Variants in RUFY3 observed in about 807,000 individuals in gnomAD.
The protein encoded by RUFY3 is protein RUFY3.
In RUFY3, 34 loss-of-function variants were observed where a neutral mutation model predicts 84.0. The ratio of observed to expected loss-of-function variants is 0.40; its 90% CI spans 0.31 to 0.54. The LOEUF is 0.54. Among genes scored for constraint, RUFY3 ranks in the 20% least tolerant of loss-of-function variants. The pLI is 0.39. For synonymous variants in RUFY3, 242 were observed against 252.9 expected (o/e 0.96, Z 0.41); for missense variants, 507 against 736.8 (o/e 0.69, Z 3.61).
intron 1 of RUFY3, among the ~76,000 whole-genome samples, chr4:70,760,161 C>T (rs531455944): frequency 6.6e-6 from 1 of 152,314 alleles, no homozygotes; most frequent in South Asian, 2.1e-4. Flanking sequence ...GTAGTTCATG[C>T]ACTCCAGACC....
At chr4:70,717,491 G>A (rs1741753858), upstream of RUFY3, among the ~76,000 whole-genome samples, 1 of 152,130 alleles carries the variant, frequency 6.6e-6, no homozygotes, top group Admixed American at 6.5e-5. Flanking sequence ...CAGCATTAAG[G>A]TGTAAAGTAT....
intron 12 of RUFY3, chr4:70,792,473 G>A: frequency 1.0e-6 from 1 of 985,178 alleles, no homozygotes; most frequent in South Asian, 4.7e-5. Context: ...CCCTTTCTAG[G>A]CTTTAACATT....
chr4:70,775,959 G>GAAAAAAAAAAAAAAAA (rs962485507), intron 7 of RUFY3, among the ~76,000 whole-genome samples: 1 of 110,700 alleles, frequency 9.0e-6, no homozygotes, highest in Non-Finnish European at 1.7e-5. Context: ...AAAAAAAAAC[G>GAAAAAAAAAAAAAAAA]AAAAAAAAGA....
At chr4:70,741,956 G>A (rs909314248) in intron 1 of RUFY3, among the ~76,000 whole-genome samples, 3 of 152,140 alleles carry the variant, frequency 2.0e-5, no homozygotes, top group Non-Finnish European at 4.4e-5. Context: ...CTTGTTTGTT[G>A]AGAAAGTGTA....
intron 1 of RUFY3, among the ~76,000 whole-genome samples, chr4:70,712,609 C>T (rs1417860927): frequency 6.6e-6 from 1 of 152,022 alleles, no homozygotes; most frequent in Admixed American, 6.6e-5. Context: ...AGGATTTTAT[C>T]AAGAAGCTAA....
intron 16 of RUFY3, 112 bp downstream of exon 16, chr4:70,803,095 C>A: frequency 1.4e-6 from 1 of 735,714 alleles, no homozygotes; most frequent in Non-Finnish European, 2.3e-6. Flanking sequence ...TACAGTGTGC[C>A]ATCCTTCTAA....
At chr4:70,785,738 G>C (rs149773523) in intron 10 of RUFY3, among the ~76,000 whole-genome samples, 472 of 152,130 alleles carry the variant, frequency 3.1e-3, no homozygotes, top group Non-Finnish European at 5.0e-3. Flanking sequence ...TTGGGAGGCT[G>C]ACCAGGAGAA....
At chr4:70,715,981 G>C in intron 1 of RUFY3, among the ~76,000 whole-genome samples, 1 of 151,936 alleles carries the variant, frequency 6.6e-6, no homozygotes, top group East Asian at 2.0e-4. Flanking sequence ...GGCATGAATG[G>C]CATACACCTG....
Position 70,808,227 on chromosome 4 carries a change from G to A in RUFY3, c.*1568G>A, listed in dbSNP as rs924502599. Among the ~76,000 whole-genome samples, 23 of 152,092 alleles carry A rather than the reference G, an allele frequency of 1.5e-4. No individual in the cohort carries two copies. Among genetic ancestry groups the A allele is most frequent in the Non-Finnish European group, 2.5e-4 (17 of 68,014 alleles). ...TCTGAATATTTTTGATTGGCAGTTG[G>A]TTGAAGCCATGGATGCAGAACCCAT... On this transcript the variant is annotated 3_prime_UTR_variant, in exon 18 of 18. Coordinates refer to ENST00000381006, the MANE Select transcript of RUFY3 (RefSeq NM_001037442.4).
intron 14 of RUFY3, among the ~76,000 whole-genome samples, chr4:70,797,774 C>T (rs908196669): frequency 1.3e-5 from 2 of 151,716 alleles, no homozygotes; most frequent in African/African-American, 2.4e-5. Context: ...ACCCGGGAGG[C>T]GGAGGTTGCA....
chr4:70,740,155 A>G (rs1721097779), intron 1 of RUFY3, among the ~76,000 whole-genome samples: 1 of 152,194 alleles, frequency 6.6e-6, no homozygotes, highest in African/African-American at 2.4e-5. Flanking sequence ...TTGAGGTATA[A>G]AAGAATGGCA....
chr4:70,790,051 T>A, intron 12 of RUFY3: 1 of 245,698 alleles, frequency 4.1e-6, no homozygotes, highest in Non-Finnish European at 6.5e-6. Flanking sequence ...CTCCCTTCTT[T>A]AACCCTTTTC....
At chr4:70,730,889 C>A (rs908662503) in intron 1 of RUFY3, among the ~76,000 whole-genome samples, 5 of 152,160 alleles carry the variant, frequency 3.3e-5, no homozygotes, top group Non-Finnish European at 5.9e-5. Flanking sequence ...AATAGGCCTG[C>A]GTGTAATAAG....
chr4:70,762,371 T>C, intron 1 of RUFY3, 148 bp from the exon 2 acceptor site: 1 of 667,080 alleles, frequency 1.5e-6, no homozygotes, highest in South Asian at 2.2e-5. Context: ...AAATAGTTCA[T>C]TTTACTGCTT....
chr4:70,771,570 C>T (rs990056620), intron 5 of RUFY3, among the ~76,000 whole-genome samples: 1 of 152,164 alleles, frequency 6.6e-6, no homozygotes, highest in Non-Finnish European at 1.5e-5. Flanking sequence ...GTCTCACTGT[C>T]ATCCAGGCCG....
upstream of RUFY3, among the ~76,000 whole-genome samples, chr4:70,719,709 A>G (rs1394335070): frequency 1.3e-5 from 2 of 152,218 alleles, no homozygotes; most frequent in Non-Finnish European, 2.9e-5. Context: ...CCTTATTAAT[A>G]TATAATATGG....
intron 14 of RUFY3, among the ~76,000 whole-genome samples, chr4:70,796,273 A>G (rs1324872482): frequency 6.6e-6 from 1 of 152,236 alleles, no homozygotes; most frequent in Non-Finnish European, 1.5e-5. Context: ...GAAAGTCAAC[A>G]AGCAAAATGC....
chr4:70,733,095 G>GGAGAGAGA (rs1203024723), intron 1 of RUFY3, among the ~76,000 whole-genome samples: 1 of 61,710 alleles, frequency 1.6e-5, no homozygotes, highest in Non-Finnish European at 3.0e-5. Flanking sequence ...GAGAGAGAGA[G>GGAGAGAGA]GAGAGAGAGA....
intron 1 of RUFY3, among the ~76,000 whole-genome samples, chr4:70,725,889 G>A (rs551218980): frequency 2.0e-5 from 3 of 152,322 alleles, no homozygotes; most frequent in Admixed American, 6.5e-5. Flanking sequence ...ACAACAGGGA[G>A]CAAGACTGGA....
Sources: gnomAD v4.1 joint callset for allele counts (sites outside exome capture counted in the v4.1 genomes callset) on GRCh38, gnomAD v4.1.1 for gene constraint, MANE v1.5 for transcripts, NCBI Gene and HGNC (gene_info 2026-07-23, HGNC 2026-07-21) for gene names.